Variants in PDCD6 observed in about 807,000 individuals in gnomAD.
PDCD6 encodes programmed cell death 6, also known as programmed cell death protein 6.
PDCD6 carries 12 observed loss-of-function variants against 28.3 expected under a neutral mutation model. The observed-to-expected ratio is 0.42, with a 90% CI of 0.27 to 0.69. PDCD6 has a LOEUF of 0.69. PDCD6 is among the 30% of genes least tolerant of loss of function. PDCD6 has a pLI of 0.22. For missense variants in PDCD6, 226 were observed against 269.9 expected (o/e 0.84, Z 1.14); for synonymous variants, 92 against 108.0 (o/e 0.85, Z 0.92).
rs1462826022 is a variant in PDCD6 at position 307,374 on chromosome 5, G to A, written c.367+614G>A. On this transcript the variant is annotated intron_variant, in intron 4 of 5. Coordinates refer to ENST00000264933, the MANE Select transcript of PDCD6 (RefSeq NM_013232.4). The surrounding 1 kb of genome is among the most constrained non-coding windows in gnomAD (Gnocchi z 6.1). ...CGGCGTGTGTGTGCACACGTGTGCC[G>A]TGCGCCTCAGAAGGGGCGTTAGGCA... Among the ~76,000 whole-genome samples, 5 of 148,778 alleles carry A rather than the reference G, an allele frequency of 3.4e-5. No homozygotes were observed. Among genetic ancestry groups the A allele is most frequent in the Middle Eastern group, 3.4e-3 (1 of 294 alleles).
At position 271,901 on chromosome 5, in the gene PDCD6, C is replaced by T. The variant is rs1005891079; in HGVS notation, c.101+80C>T. On this transcript the variant is annotated intron_variant, in intron 1 of 5. Transcript: ENST00000264933. Reference sequence around the variant, plus strand: ...CCTGTCCCGACTCCCCCGACCAACCCCGTTCCCTGCCGGTTCTACTGCGGC... The same window carrying T: ...CCTGTCCCGACTCCCCCGACCAACCTCGTTCCCTGCCGGTTCTACTGCGGC... 1.1e-5 allele frequency: 8 copies of T among 713,366 alleles called. No homozygotes were observed. In the South Asian group the frequency reaches 2.3e-4, roughly 21 times the overall value. The allele number at this position is 713,366 out of a possible 1,614,324, so 44.2% of individuals were successfully genotyped here.
intron 2 of PDCD6, among the ~76,000 whole-genome samples, chr5:302,652 A>G (rs12517416): frequency 0.37 from 52,028 of 139,806 alleles, 10,796 homozygotes; most frequent in South Asian, 0.49. Context: ...GGAAGAGCAC[A>G]GCTTCCCCGC....
chr5:286,048 G>A lies in PDCD6; in HGVS notation c.163+13276G>A, dbSNP rs76075591. Among the ~76,000 whole-genome samples the A allele has an allele frequency of 7.4e-3, 1,100 of 147,800 alleles. 12 individuals carry two copies. The highest frequency in any genetic ancestry group is 0.025 in the African/African-American group (1,005 of 39,878). The stretch of plus-strand genomic sequence containing the variant: ...CCATGCAGCTGGAGACCCGGGGAGT[G>A]GGGGGAGCTGATGGTGCAGTTTGAG... On this transcript the variant is annotated intron_variant, in intron 2 of 5. Transcript: ENST00000264933.
At chr5:275,378 C>T (rs1458669774) in intron 2 of PDCD6, among the ~76,000 whole-genome samples, 2 of 152,188 alleles carry the variant, frequency 1.3e-5, no homozygotes, top group Non-Finnish European at 2.9e-5. Flanking sequence ...CGGGGCAGCC[C>T]CAGGAAATGG....
chr5:302,574 G>C lies in PDCD6; in HGVS notation c.164-1603G>C, dbSNP rs150771632. Among the ~76,000 whole-genome samples, 91 of 150,290 alleles carry C rather than the reference G, an allele frequency of 6.1e-4. 1 individual carries two copies. In the East Asian group the frequency reaches 0.017, roughly 28 times the overall value. ...GAGAGCACAGCTTCCCTGCATAACT[G>C]CTGGAGGGCGGGTCATCGAGTGCTG... On this transcript the variant is annotated intron_variant, in intron 2 of 5. Transcript: ENST00000264933.
At chr5:303,082 G>A (rs565005971) in intron 2 of PDCD6, among the ~76,000 whole-genome samples, 1 of 152,292 alleles carries the variant, frequency 6.6e-6, no homozygotes, top group South Asian at 2.1e-4. Flanking sequence ...AGGAGCTGGA[G>A]GGAGGGTGTG....
chr5:302,106 G>GTGTA (rs1740105385), intron 2 of PDCD6, among the ~76,000 whole-genome samples: 1 of 106,546 alleles, frequency 9.4e-6, no homozygotes, highest in African/African-American at 4.2e-5. Flanking sequence ...GTGTGTGTGT[G>GTGTA]TGCCTTGGGT....
At chr5:291,865 C>T (rs1040217845) in intron 2 of PDCD6, among the ~76,000 whole-genome samples, 15 of 152,180 alleles carry the variant, frequency 9.9e-5, no homozygotes, top group African/African-American at 2.2e-4. Context: ...CGTTCTTGGG[C>T]GTTTCTTTTG....
intron 2 of PDCD6, among the ~76,000 whole-genome samples, chr5:303,911 C>T (rs2126759780): frequency 6.6e-6 from 1 of 151,554 alleles, no homozygotes; most frequent in African/African-American, 2.4e-5. Context: ...AATAAGAGTG[C>T]ATGTCCAGCC....
Position 275,521 on chromosome 5 carries a change from G to T in PDCD6, c.163+2749G>T, listed in dbSNP as rs998396641. ...TAGCTGCTAGAAAATTTAAAGTCAG[G>T]TTGGTGGCTCACCAGTAATGAGAGT... On this transcript the variant is annotated intron_variant, in intron 2 of 5. Transcript: ENST00000264933. Among the ~76,000 whole-genome samples, 6 of 152,204 alleles carry T rather than the reference G, an allele frequency of 3.9e-5. No homozygotes were observed. In the South Asian group the frequency reaches 1.2e-3, roughly 32 times the overall value.
chr5:302,110 C>G (rs1207416806), intron 2 of PDCD6, among the ~76,000 whole-genome samples: 1 of 47,570 alleles, frequency 2.1e-5, no homozygotes, highest in Non-Finnish European at 4.9e-5. Flanking sequence ...GTGTGTGTGC[C>G]TTGGGTTCAG....
chr5:306,424 G>A, intron 3 of PDCD6, 178 bp from the exon 4 acceptor site: 1 of 617,674 alleles, frequency 1.6e-6, no homozygotes. Context: ...CCAGGGCGAA[G>A]GTGACAAGAC....
chr5:306,437 T>C lies in PDCD6; in HGVS notation c.209-165T>C, dbSNP rs544565240. The C allele has an allele frequency of 1.0e-4, 67 of 648,564 alleles. No individual in the cohort carries two copies. The South Asian group carries it at 1.1e-3, about 11-fold the overall frequency. 40.2% of individuals were successfully genotyped at this position (648,564 alleles called of 1,614,324 possible). ...ACCCAGGGCGAAGGTGACAAGACTT[T>C]AAGGGATTTCACCCCATTCACAGAC... On this transcript the variant is annotated intron_variant, in intron 3 of 5. Coordinates refer to ENST00000264933, the MANE Select transcript of PDCD6 (RefSeq NM_013232.4).
intron 2 of PDCD6, among the ~76,000 whole-genome samples, chr5:302,392 GCT>G (rs1740138452): frequency 8.0e-6 from 1 of 125,136 alleles, no homozygotes; most frequent in African/African-American, 4.0e-5. Context: ...GTGGAGTGCT[GCT>G]CTGTGTGTAT....
rs982393222 is a variant in PDCD6, at chr5:307,870, C to G, written c.367+1110C>G. Among the ~76,000 whole-genome samples, 3 of 152,176 alleles carry G rather than the reference C, an allele frequency of 2.0e-5. No homozygotes were observed. The highest frequency in any genetic ancestry group is 7.2e-5 in the African/African-American group (3 of 41,436). ...CTTTCTCACCTTACGAGCTTGTCCACAGGGCCGGGGGTGGACACTGGGTCT... is the reference window on the plus strand; with the variant it reads ...CTTTCTCACCTTACGAGCTTGTCCAGAGGGCCGGGGGTGGACACTGGGTCT... On this transcript the variant is annotated intron_variant, in intron 4 of 5. Coordinates refer to ENST00000264933, the MANE Select transcript of PDCD6 (RefSeq NM_013232.4). The surrounding 1 kb of genome is among the most constrained non-coding windows in gnomAD (Gnocchi z 6.1).
chr5:304,189 C>T lies in PDCD6; in HGVS notation c.176C>T (p.Pro59Leu). Residue 59 changes from proline (P) to leucine (L), a missense_variant, in exon 3 of 6, where the codon CCC becomes CTC. Pro to Leu is a moderately conservative substitution (Grantham distance 98, BLOSUM62 -3). Around this residue, in one of 3 missense-constraint regions of PDCD6, gnomAD observed 3 missense variants for 21.3 expected, o/e 0.14. Transcript: ENST00000264933. ...QQALSNGTWT[P>L]FNPVTVRSII... ...TGTTTGTTTTCAGGCACGTGGACTC[C>T]CTTTAATCCAGTGACTGTCAGGTCG... 6.4e-7 allele frequency: 1 copy of T among 1,553,112 alleles called. No individual in the cohort carries two copies. Among genetic ancestry groups the T allele is most frequent in the South Asian group, 1.1e-5 (1 of 87,998 alleles).
rs370878298 is a variant in PDCD6 at position 314,480 on chromosome 5, G to A, written c.541G>A (p.Glu181Lys). 9.3e-6 allele frequency: 15 copies of A among 1,613,594 alleles called. No homozygotes were observed. The African/African-American group carries it at 1.2e-4, about 13-fold the overall frequency. Residue 181 changes from glutamate (E) to lysine (K), a missense_variant, in exon 6 of 6, where the codon GAA becomes AAA. Physicochemically the swap from Glu to Lys is moderately conservative, Grantham distance 56. Transcript: ENST00000264933. ...GGACGGCTGGATTCAGGTGTCGTAC[G>A]AACAGTACCTGTCCATGGTCTTCAG... ...DQDGWIQVSY[E>K]QYLSMVFSIV
intron 1 of PDCD6, 30 bp downstream of exon 1, chr5:271,851 C>A (rs768261598): frequency 8.6e-5 from 107 of 1,249,860 alleles, no homozygotes; most frequent in Non-Finnish European, 2.1e-6. Context: ...GGGCACCTCC[C>A]GCCTCCGCCG....
intron 2 of PDCD6, among the ~76,000 whole-genome samples, chr5:298,063 C>T (rs1342721022): frequency 2.6e-5 from 4 of 152,188 alleles, no homozygotes; most frequent in African/African-American, 7.2e-5. Context: ...CAGACCACAG[C>T]GTCCAGCTCT....
Sources: allele counts gnomAD v4.1 joint callset (sites outside exome capture counted in the v4.1 genomes callset), GRCh38; gene constraint gnomAD v4.1.1; regional missense constraint gnomAD v4.1.1; non-coding constraint Gnocchi (gnomAD v3.1); transcripts MANE v1.5; gene names NCBI Gene and HGNC (gene_info 2026-07-23, HGNC 2026-07-21).